The following DLG2 variants were observed in gnomAD, a reference collection of about 807,000 sequenced individuals.
The protein encoded by DLG2 is discs large MAGUK scaffold protein 2.
DLG2 carries 45 observed loss-of-function variants against 132.5 expected under a neutral mutation model. The ratio of observed to expected loss-of-function variants is 0.34; its 90% CI spans 0.27 to 0.44. The LOEUF (loss-of-function observed/expected upper bound fraction) is 0.44, where lower values mean the gene tolerates loss of function less well. Among genes scored for constraint, DLG2 ranks in the 20% least tolerant of loss-of-function variants. The probability of loss-of-function intolerance (pLI) is 1.00; values close to 1 mark genes in which losing one functional copy is unlikely to be tolerated. For synonymous variants in DLG2, 424 were observed against 419.6 expected (o/e 1.01, Z -0.13); for missense variants, 1,045 against 1,196.9 (o/e 0.87, Z 1.87).
chr11:84,960,566 G>T (rs1375393157), intron 6 of DLG2, among the ~76,000 whole-genome samples: 1 of 151,844 alleles, frequency 6.6e-6, no homozygotes, highest in Non-Finnish European at 1.5e-5. Flanking sequence ...CTCCCGAGTA[G>T]CTGGGACTAC....
chr11:85,059,269 GA>G (rs976955456), intron 6 of DLG2, among the ~76,000 whole-genome samples: 10 of 147,988 alleles, frequency 6.8e-5, no homozygotes, highest in South Asian at 2.1e-4. Flanking sequence ...AGTAGCTACT[GA>G]AAAAAAAAAT....
At chr11:83,951,140 C>T (rs1378710717) in intron 14 of DLG2, among the ~76,000 whole-genome samples, 1 of 152,024 alleles carries the variant, frequency 6.6e-6, no homozygotes, top group Non-Finnish European at 1.5e-5. Context: ...AGTATTAAAA[C>T]AAGCATTTCC....
At chr11:84,596,870 T>G (rs1441928366) in intron 6 of DLG2, among the ~76,000 whole-genome samples, 1 of 152,204 alleles carries the variant, frequency 6.6e-6, no homozygotes, top group Non-Finnish European at 1.5e-5. Flanking sequence ...AGACTTACTA[T>G]GTTATGCATC....
intron 3 of DLG2, among the ~76,000 whole-genome samples, chr11:85,398,135 C>T (rs184345403): frequency 7.9e-5 from 12 of 152,220 alleles, no homozygotes; most frequent in South Asian, 2.1e-4. Flanking sequence ...CACTCAAAAC[C>T]GCACAACTTT....
chr11:84,780,398 T>C (rs986777172), intron 6 of DLG2, among the ~76,000 whole-genome samples: 5 of 152,086 alleles, frequency 3.3e-5, no homozygotes, highest in Admixed American at 6.6e-5. Context: ...ATAGGCCATA[T>C]ATAATATACA....
At chr11:85,121,554 T>G (rs2074317984) in intron 5 of DLG2, among the ~76,000 whole-genome samples, 1 of 152,074 alleles carries the variant, frequency 6.6e-6, no homozygotes, top group Admixed American at 6.6e-5. Context: ...TGCAATTGTC[T>G]TCTAAGTATT....
chr11:85,211,153 G>C (rs957821587), intron 4 of DLG2, among the ~76,000 whole-genome samples: 1 of 152,008 alleles, frequency 6.6e-6, no homozygotes, highest in Non-Finnish European at 1.5e-5. Context: ...TGCTTGCAAA[G>C]ACCAAATATC....
chr11:85,167,235 T>G (rs1170746142), intron 4 of DLG2, among the ~76,000 whole-genome samples: 1 of 152,182 alleles, frequency 6.6e-6, no homozygotes, highest in Non-Finnish European at 1.5e-5. Context: ...CAGATCAGCC[T>G]GAGTCAGATC....
At chr11:84,085,318 T>C (rs1317030755) in intron 10 of DLG2, among the ~76,000 whole-genome samples, 2 of 152,218 alleles carry the variant, frequency 1.3e-5, no homozygotes, top group African/African-American at 2.4e-5. Flanking sequence ...AAAATCAATA[T>C]AAAATTTGGT....
chr11:84,561,307 G>A (rs530521755), intron 6 of DLG2, among the ~76,000 whole-genome samples: 1 of 152,056 alleles, frequency 6.6e-6, no homozygotes, highest in African/African-American at 2.4e-5. Flanking sequence ...ATTTCATGAT[G>A]GCAGATGCCA....
intron 4 of DLG2, among the ~76,000 whole-genome samples, chr11:85,274,203 T>C (rs921054183): frequency 1.3e-5 from 2 of 152,146 alleles, no homozygotes; most frequent in Non-Finnish European, 2.9e-5. Flanking sequence ...TGTATACATA[T>C]GTAACAAACC....
At chr11:84,211,128 C>A (rs1425452218) in intron 8 of DLG2, among the ~76,000 whole-genome samples, 1 of 152,162 alleles carries the variant, frequency 6.6e-6, no homozygotes, top group Non-Finnish European at 1.5e-5. Flanking sequence ...TCTGTTAGTT[C>A]TCACTGGAGC....
chr11:85,010,849 T>A (rs909759237), intron 6 of DLG2, among the ~76,000 whole-genome samples: 74 of 152,178 alleles, frequency 4.9e-4, no homozygotes, highest in African/African-American at 1.4e-3. Context: ...CCACTCACCT[T>A]TTATTGACAA....
intron 16 of DLG2, among the ~76,000 whole-genome samples, chr11:83,839,793 T>G (rs1308416925): frequency 6.6e-6 from 1 of 152,178 alleles, no homozygotes; most frequent in Non-Finnish European, 1.5e-5. Flanking sequence ...TGCCCTTAGC[T>G]CTTATCATTT....
chr11:85,007,722 AAAGAGT>A, intron 6 of DLG2, among the ~76,000 whole-genome samples: 1 of 151,742 alleles, frequency 6.6e-6, no homozygotes, highest in East Asian at 1.9e-4. Context: ...AGAAGAAAAG[AAAGAGT>A]AAGAGAGGAG....
intron 6 of DLG2, among the ~76,000 whole-genome samples, chr11:84,978,377 C>T (rs1277250742): frequency 6.6e-6 from 1 of 152,130 alleles, no homozygotes; most frequent in African/African-American, 2.4e-5. Flanking sequence ...AAGAACAAAG[C>T]CGGAGGCATC....
At chr11:84,130,525 T>C (rs12802678) in intron 9 of DLG2, among the ~76,000 whole-genome samples, 80,443 of 127,266 alleles carry the variant, frequency 0.63, 23,564 homozygotes, top group Middle Eastern at 0.76. Flanking sequence ...CACACACACA[T>C]ATATGTGTGT....
intron 6 of DLG2, among the ~76,000 whole-genome samples, chr11:84,635,654 C>T (rs2099639379): frequency 6.6e-6 from 1 of 151,972 alleles, no homozygotes; most frequent in South Asian, 2.1e-4. Flanking sequence ...AAAAACAAAG[C>T]ACCTATATTT....
At chr11:85,519,891 T>A (rs1267085141) in intron 3 of DLG2, among the ~76,000 whole-genome samples, 1 of 152,186 alleles carries the variant, frequency 6.6e-6, no homozygotes, top group Non-Finnish European at 1.5e-5. Flanking sequence ...TCTGCCACCA[T>A]GTGAAATGTG....
Sources: gnomAD v4.1 joint callset for allele counts (sites outside exome capture counted in the v4.1 genomes callset) on GRCh38, gnomAD v4.1.1 for gene constraint, MANE v1.5 for transcripts, NCBI Gene and HGNC (gene_info 2026-07-23, HGNC 2026-07-21) for gene names.